VSNL1: variants seen among roughly 807,000 people sequenced by gnomAD.
The protein encoded by VSNL1 is visinin-like protein 1.
Under a neutral mutation model 20.4 loss-of-function variants are expected in VSNL1, and 6 were observed. The ratio of observed to expected loss-of-function variants is 0.29; its 90% CI spans 0.16 to 0.58. The LOEUF (loss-of-function observed/expected upper bound fraction) is 0.58. Ranked by LOEUF, VSNL1 falls within the 20% of genes least tolerant of loss-of-function variation. The probability of loss-of-function intolerance (pLI) is 0.90; values close to 1 mark genes in which losing one functional copy is unlikely to be tolerated. For synonymous variants in VSNL1, 93 were observed against 86.4 expected (o/e 1.08, Z -0.42); for missense variants, 100 against 234.5 (o/e 0.43, Z 3.75).
chr2:17,605,743 C>G (rs757377824), intron 2 of VSNL1, among the ~76,000 whole-genome samples: 1 of 152,158 alleles, frequency 6.6e-6, no homozygotes, highest in Non-Finnish European at 1.5e-5. Context: ...CTGTTATCCC[C>G]GTGCAGCCAT....
intron 2 of VSNL1, among the ~76,000 whole-genome samples, chr2:17,605,236 C>A (rs1664917067): frequency 6.6e-6 from 1 of 152,234 alleles, no homozygotes; most frequent in African/African-American, 2.4e-5. Flanking sequence ...TCTGATTATG[C>A]AGCAAAGATC....
chr2:17,540,334 G>C (rs868223058), upstream of VSNL1, among the ~76,000 whole-genome samples: 7 of 152,362 alleles, frequency 4.6e-5, no homozygotes, highest in Admixed American at 1.3e-4. Flanking sequence ...CTCTGGCCTC[G>C]GCCTTCAGCC....
intron 2 of VSNL1, among the ~76,000 whole-genome samples, chr2:17,643,341 G>A (rs763761161): frequency 4.6e-5 from 7 of 152,180 alleles, no homozygotes; most frequent in Non-Finnish European, 7.3e-5. Context: ...GCTCTGGGCT[G>A]ATTCATCTCC....
intron 2 of VSNL1, among the ~76,000 whole-genome samples, chr2:17,613,087 G>A (rs12478869): frequency 0.075 from 11,426 of 151,976 alleles, 604 homozygotes; most frequent in Non-Finnish European, 0.11. Flanking sequence ...CCCCATCACT[G>A]TTCCCATCTT....
intron 1 of VSNL1, among the ~76,000 whole-genome samples, chr2:17,559,558 T>C (rs529211761): frequency 6.6e-6 from 1 of 152,312 alleles, no homozygotes; most frequent in South Asian, 2.1e-4. Flanking sequence ...CAAATCACTT[T>C]CTTTTGTTGG....
intron 2 of VSNL1, among the ~76,000 whole-genome samples, chr2:17,618,844 G>A (rs1665281689): frequency 6.6e-6 from 1 of 152,272 alleles, no homozygotes; most frequent in East Asian, 1.9e-4. Flanking sequence ...GGGCCAGTGG[G>A]CTTAGGTAAG....
chr2:17,619,061 G>C (rs1472544646), intron 2 of VSNL1, among the ~76,000 whole-genome samples: 1 of 152,186 alleles, frequency 6.6e-6, no homozygotes, highest in South Asian at 2.1e-4. Context: ...AATAACCACT[G>C]TGTGCCACAC....
At chr2:17,625,236 C>A (rs1665482440) in intron 2 of VSNL1, among the ~76,000 whole-genome samples, 1 of 152,188 alleles carries the variant, frequency 6.6e-6, no homozygotes, top group South Asian at 2.1e-4. Flanking sequence ...TCCAATTAAA[C>A]CTCTTTTGTA....
chr2:17,628,103 G>C (rs2103409261), intron 2 of VSNL1, among the ~76,000 whole-genome samples: 1 of 152,344 alleles, frequency 6.6e-6, no homozygotes, highest in South Asian at 2.1e-4. Context: ...ACACAATAGT[G>C]TAAGTATCTT....
intron 2 of VSNL1, among the ~76,000 whole-genome samples, chr2:17,601,794 G>T (rs939715601): frequency 1.6e-4 from 24 of 151,992 alleles, no homozygotes; most frequent in Non-Finnish European, 1.9e-4. Flanking sequence ...AATTAGCTGG[G>T]TGTGGTGGCA....
chr2:17,649,703 T>C lies in VSNL1; in HGVS notation c.378+78T>C, dbSNP rs1440092659. 3 of 1,369,908 alleles carry C rather than the reference T, an allele frequency of 2.2e-6. No individual in the cohort carries two copies. The highest frequency in any genetic ancestry group is 3.1e-6 in the Non-Finnish European group (3 of 974,800). 84.9% of individuals were successfully genotyped at this position (1,369,908 alleles called of 1,614,324 possible). On this transcript the variant is annotated intron_variant, in intron 3 of 3. Coordinates refer to ENST00000295156, the MANE Select transcript of VSNL1 (RefSeq NM_003385.5). The surrounding 1 kb of genome is among the most constrained non-coding windows in gnomAD (Gnocchi z 6.4). ...GCAGCCTCCTAGGTGCAGGCCTTAG[T>C]GGCTTCTTCTCTCTCTGCTCGAGCC...
At chr2:17,633,348 C>CAAAAAAAAAAAAAAAAA (rs10706048) in intron 2 of VSNL1, among the ~76,000 whole-genome samples, 2 of 50,538 alleles carry the variant, frequency 4.0e-5, no homozygotes, top group African/African-American at 7.0e-5. Flanking sequence ...ACTAAAAATA[C>CAAAAAAAAAAAAAAAAA]AAAAAAAAAA....
At chr2:17,652,991 A>AATTACAGT in intron 3 of VSNL1, among the ~76,000 whole-genome samples, 1 of 152,184 alleles carries the variant, frequency 6.6e-6, no homozygotes, top group East Asian at 1.9e-4. Context: ...ACCTCTTAGG[A>AATTACAGT]ATTACAGTCT....
At chr2:17,611,268 A>C (rs1665078746) in intron 2 of VSNL1, among the ~76,000 whole-genome samples, 1 of 152,234 alleles carries the variant, frequency 6.6e-6, no homozygotes, top group Non-Finnish European at 1.5e-5. Flanking sequence ...AACATGTCTA[A>C]GGACACACAA....
intron 1 of VSNL1, among the ~76,000 whole-genome samples, chr2:17,552,278 C>G (rs1277017947): frequency 1.3e-5 from 2 of 151,358 alleles, no homozygotes; most frequent in African/African-American, 4.8e-5. Flanking sequence ...TCATTACTTA[C>G]AGCTTTTAGA....
chr2:17,627,296 A>G (rs1002215935), intron 2 of VSNL1, among the ~76,000 whole-genome samples: 3 of 152,328 alleles, frequency 2.0e-5, no homozygotes, highest in South Asian at 4.1e-4. Context: ...CTGTGTTTTC[A>G]GGTACACAAA....
At chr2:17,632,619 A>G (rs1023088824) in intron 2 of VSNL1, among the ~76,000 whole-genome samples, 1 of 152,188 alleles carries the variant, frequency 6.6e-6, no homozygotes, top group Non-Finnish European at 1.5e-5. Context: ...CACTCTTAAT[A>G]ATAACTCTGA....
chr2:17,547,372 A>G (rs1016025330), intron 1 of VSNL1, among the ~76,000 whole-genome samples: 1 of 152,098 alleles, frequency 6.6e-6, no homozygotes. Context: ...TCAATAGCTC[A>G]TAAACCACTT....
In VSNL1 at chr2:17,656,142, T is replaced by C. The variant is rs1666227994; in HGVS notation, c.*748T>C. On this transcript the variant is annotated 3_prime_UTR_variant, in exon 4 of 4. Transcript: ENST00000295156. Reference sequence around the variant, plus strand: ...TGTTTGAATTTTCAAAGGCTTCCAATGTGGTGGCAATAAATGTCCCAAATA... The same window carrying C: ...TGTTTGAATTTTCAAAGGCTTCCAACGTGGTGGCAATAAATGTCCCAAATA... 6.6e-6 allele frequency: 1 copy of C among 152,504 alleles called. No homozygotes were observed. Among genetic ancestry groups the C allele is most frequent in the African/African-American group, 2.4e-5 (1 of 41,450 alleles). 9.4% of individuals were successfully genotyped at this position (152,504 alleles called of 1,614,324 possible).
Sources: allele counts gnomAD v4.1 joint callset (sites outside exome capture counted in the v4.1 genomes callset), GRCh38; gene constraint gnomAD v4.1.1; non-coding constraint Gnocchi (gnomAD v3.1); transcripts MANE v1.5; gene names NCBI Gene and HGNC (gene_info 2026-07-23, HGNC 2026-07-21).